AKTIP: variants seen among roughly 807,000 people sequenced by gnomAD.
AKTIP encodes the protein AKT interacting protein, also known as AKT-interacting protein.
AKTIP carries 16 observed loss-of-function variants against 39.1 expected under a neutral mutation model. That is an observed-to-expected ratio of 0.41 (90% CI 0.28 to 0.62). The LOEUF is 0.62. Ranked by LOEUF, AKTIP falls within the 20% of genes least tolerant of loss-of-function variation. The pLI is 0.32. For missense variants in AKTIP, 262 were observed against 356.6 expected (o/e 0.73, Z 2.14); for synonymous variants, 93 against 124.3 (o/e 0.75, Z 1.67).
At chr16:53,503,932 G>T (rs1962331944), upstream of AKTIP, among the ~76,000 whole-genome samples, 1 of 151,970 alleles carries the variant, frequency 6.6e-6, no homozygotes, top group Non-Finnish European at 1.5e-5. Context: ...GTAAATCTGT[G>T]TGTGTCGGCC....
chr16:53,494,039 A>T, intron 8 of AKTIP, 99 bp downstream of exon 8: 1 of 888,022 alleles, frequency 1.1e-6, no homozygotes, highest in Non-Finnish European at 1.8e-6. Context: ...CAGCTTATGC[A>T]TGTGCCTTTT....
At chr16:53,500,857 A>G (rs906191650) in intron 1 of AKTIP, among the ~76,000 whole-genome samples, 6 of 152,216 alleles carry the variant, frequency 3.9e-5, no homozygotes, top group African/African-American at 1.4e-4. Context: ...TTAGATGTCT[A>G]TAAGAATCTG....
At chr16:53,499,768 A>G (rs1319308438) in intron 2 of AKTIP, among the ~76,000 whole-genome samples, 2 of 151,896 alleles carry the variant, frequency 1.3e-5, no homozygotes, top group Non-Finnish European at 2.9e-5. Flanking sequence ...GCTGGTTTTT[A>G]TTTTCTTATT....
At chr16:53,496,203 C>G (rs976348872) in intron 3 of AKTIP, among the ~76,000 whole-genome samples, 3 of 152,128 alleles carry the variant, frequency 2.0e-5, no homozygotes, top group Non-Finnish European at 4.4e-5. Context: ...GAGTTATTAT[C>G]CGGTCCATTT....
At chr16:53,498,947 T>C (rs1453487488) in intron 2 of AKTIP, among the ~76,000 whole-genome samples, 1 of 152,204 alleles carries the variant, frequency 6.6e-6, no homozygotes, top group Non-Finnish European at 1.5e-5. Flanking sequence ...TGTACAAGGC[T>C]AGAAAAGTCC....
rs1268936225 is a variant in AKTIP at position 53,492,025 on chromosome 16, C to T, written c.*387G>A. The T allele has an allele frequency of 5.9e-6, 1 of 170,250 alleles. No homozygotes were observed. The highest frequency in any genetic ancestry group is 5.8e-5 in the Admixed American group (1 of 17,268). The allele number at this position is 170,250 out of a possible 1,614,324, so 10.5% of individuals were successfully genotyped here. On this transcript the variant is annotated 3_prime_UTR_variant, in exon 10 of 10. Transcript: ENST00000394657. ...GCTATGGAACCTGCTCTCTCTATAC[C>T]TCTCCATTTCCTAACATATATACAA...
chr16:53,495,096 T>C lies in AKTIP; in HGVS notation c.391A>G (p.Asn131Asp). ...VFKFTVYIPD[N>D]YPDGDCPRLV... ...ACTGGACAGTCACCATCTGGATAGT[T>C]ATCAGGGATGTAAACTGTAAACTTA... is the stretch of plus-strand genomic sequence containing the variant. The change falls in exon 5 of 10, where the codon AAC becomes GAC. Residue 131 changes from asparagine to aspartate, a missense_variant. Around this residue, in one of 4 missense-constraint regions of AKTIP, gnomAD observed 25 missense variants for 38.4 expected, o/e 0.65. Transcript: ENST00000394657. 1 of 1,614,144 alleles carries C rather than the reference T, an allele frequency of 6.2e-7. No homozygotes were observed. Among genetic ancestry groups the C allele is most frequent in the East Asian group, 2.2e-5 (1 of 44,880 alleles).
Position 53,492,368 on chromosome 16 carries a change from A to C in AKTIP, c.*44T>G. The stretch of plus-strand genomic sequence containing the variant: ...GCCATTGGTCAGCTTGAACTAGGCC[A>C]GAGTCTAGCAGGAAAGTGCATGGTG... On this transcript the variant is annotated 3_prime_UTR_variant, in exon 10 of 10. Transcript: ENST00000394657. 1 of 1,557,340 alleles carries C rather than the reference A, an allele frequency of 6.4e-7. No individual in the cohort carries two copies. The highest frequency in any genetic ancestry group is 8.8e-7 in the Non-Finnish European group (1 of 1,131,122).
At position 53,492,706 on chromosome 16, in the gene AKTIP, A is replaced by ATCT. The variant is rs1961563881; in HGVS notation, c.755_757dup (p.Lys252dup). On this transcript the variant is annotated inframe_insertion, in exon 9 of 10. Coordinates refer to ENST00000394657, the MANE Select transcript of AKTIP (RefSeq NM_022476.4). The stretch of plus-strand genomic sequence containing the variant: ...TTATCCACTTACTTTCTGAGTCAGC[A>ATCT]TCTTTTCTCTGGCTTCATCATGTAC... 1 of 1,614,032 alleles carries ATCT rather than the reference A, an allele frequency of 6.2e-7. No homozygotes were observed. Among genetic ancestry groups the ATCT allele is most frequent in the African/African-American group, 1.3e-5 (1 of 74,956 alleles).
chr16:53,496,499 C>CTTTTTTTT (rs576422100), intron 3 of AKTIP, among the ~76,000 whole-genome samples: 2 of 79,018 alleles, frequency 2.5e-5, no homozygotes, highest in East Asian at 3.5e-4. Context: ...GTCAAGGATG[C>CTTTTTTTT]TTTTTTTTTT....
At chr16:53,500,002 A>G (rs963988910) in intron 2 of AKTIP, among the ~76,000 whole-genome samples, 1 of 152,240 alleles carries the variant, frequency 6.6e-6, no homozygotes. Context: ...TGTGATGACC[A>G]GAACGATTTC....
chr16:53,495,355 T>G lies in AKTIP; in HGVS notation c.249-29A>C, dbSNP rs542978131. ...CAACAAAAGCAGAATAATTAACTTG[T>G]GTGGATACAAATGACACATGCAGAT... On this transcript the variant is annotated intron_variant, in intron 3 of 9. Coordinates refer to ENST00000394657, the MANE Select transcript of AKTIP (RefSeq NM_022476.4). The G allele has an allele frequency of 2.5e-6, 4 of 1,610,924 alleles. No homozygotes were observed. In the South Asian group the frequency reaches 4.4e-5, roughly 18 times the overall value.
chr16:53,493,958 T>C (rs1961664366), intron 8 of AKTIP, 180 bp downstream of exon 8: 2 of 559,342 alleles, frequency 3.6e-6, no homozygotes, highest in Admixed American at 3.1e-5. Flanking sequence ...GTGAAGCTTT[T>C]TGTTTAAGAG....
In AKTIP at chr16:53,495,251, C is replaced by A. The variant is rs368474567; in HGVS notation, c.313+11G>T. On this transcript the variant is annotated intron_variant, in intron 4 of 9. Coordinates refer to ENST00000394657, the MANE Select transcript of AKTIP (RefSeq NM_022476.4). ...ATGTGCCCATAAATTAAGAGTGAAT[C>A]CTCATCTTACTTAATGCAGAGCGAT... The A allele has an allele frequency of 2.4e-4, 384 of 1,613,976 alleles. No homozygotes were observed. The highest frequency in any genetic ancestry group is 3.1e-4 in the Non-Finnish European group (371 of 1,179,970).
intron 1 of AKTIP, chr16:53,501,445 C>G (rs2150873034): frequency 6.6e-6 from 1 of 152,322 alleles, no homozygotes; most frequent in South Asian, 2.1e-4. Flanking sequence ...TACAAAGAAG[C>G]AAAGGAAAAG....
At position 53,491,142 on chromosome 16, in the gene AKTIP, T is replaced by C. The variant is rs1157437907; in HGVS notation, c.*1270A>G. The C allele has an allele frequency of 1.3e-5, 2 of 152,474 alleles. No individual in the cohort carries two copies. Among genetic ancestry groups the C allele is most frequent in the South Asian group, 4.1e-4 (2 of 4,832 alleles). 9.4% of individuals were successfully genotyped at this position (152,474 alleles called of 1,614,324 possible). On this transcript the variant is annotated 3_prime_UTR_variant, in exon 10 of 10. Coordinates refer to ENST00000394657, the MANE Select transcript of AKTIP (RefSeq NM_022476.4). The stretch of plus-strand genomic sequence containing the variant: ...TTTTAAATTCTCCAGTTTTTTGTTA[T>C]ATAGGGATCAACCAGCTAAGAAAAG...
At chr16:53,500,183 T>C (rs17193678) in intron 2 of AKTIP, 35 bp downstream of exon 2, 11 of 1,518,548 alleles carry the variant, frequency 7.2e-6, no homozygotes, top group African/African-American at 4.1e-5. Flanking sequence ...CAGAAGCAAA[T>C]GGGTTTTCTT....
At chr16:53,493,009 A>G (rs1961588893) in intron 8 of AKTIP, 1 of 412,928 alleles carries the variant, frequency 2.4e-6, no homozygotes, top group African/African-American at 2.0e-5. Flanking sequence ...AAGCAGAGTA[A>G]ATTAATTGCT....
At position 53,498,550 on chromosome 16, in the gene AKTIP, C is replaced by A. The variant is rs1225219264; in HGVS notation, c.89G>T (p.Ser30Ile). 1 of 1,614,190 alleles carries A rather than the reference C, an allele frequency of 6.2e-7. No individual in the cohort carries two copies. The highest frequency in any genetic ancestry group is 1.7e-5 in the Admixed American group (1 of 60,030). ...EKTLTGDVKT[S>I]PPRTAPKKQL... The stretch of plus-strand genomic sequence containing the variant: ...TTTCTTTGGTGCAGTTCGTGGAGGA[C>A]TGGTTTTCACGTCCCCTGTTAATGT... Residue 30 changes from serine (S) to isoleucine (I), a missense_variant, in exon 3 of 10, where the codon AGT (serine) becomes ATT (isoleucine). This residue lies in a region of AKTIP where 88 missense variants were observed against 132.1 expected (regional missense o/e 0.67). Transcript: ENST00000394657.
Sources: gnomAD v4.1 joint callset for allele counts (sites outside exome capture counted in the v4.1 genomes callset) on GRCh38, gnomAD v4.1.1 for gene constraint, gnomAD v4.1.1 regional missense constraint, MANE v1.5 for transcripts, NCBI Gene and HGNC (gene_info 2026-07-23, HGNC 2026-07-21) for gene names.